Variants in ITSN2 observed in about 807,000 individuals in gnomAD.
ITSN2 encodes the protein intersectin-2.
ITSN2 carries 156 observed loss-of-function variants against 243.7 expected under a neutral mutation model. The observed-to-expected ratio is 0.64, with a 90% confidence interval of 0.56 to 0.73. ITSN2 has a LOEUF of 0.73. ITSN2 is among the 30% of genes least tolerant of loss of function. The pLI, the probability that ITSN2 is intolerant of heterozygous loss-of-function variation, is 0.00. For synonymous variants in ITSN2, 703 were observed against 699.9 expected (o/e 1.00, Z -0.07); for missense variants, 1,801 against 1,996.1 (o/e 0.90, Z 1.86).
chr2:24,222,736 G>A (rs1482622998), intron 29 of ITSN2, among the ~76,000 whole-genome samples: 18 of 136,248 alleles, frequency 1.3e-4, no homozygotes, highest in African/African-American at 4.1e-4. Flanking sequence ...GTGCAATGGC[G>A]CAAATCTCGG....
At chr2:24,252,248 T>C (rs1461895939) in intron 25 of ITSN2, 97 bp downstream of exon 25, 2 of 913,308 alleles carry the variant, frequency 2.2e-6, no homozygotes, top group Non-Finnish European at 3.3e-6. Context: ...AGTATAAATC[T>C]TGATTAACAA....
intron 2 of ITSN2, among the ~76,000 whole-genome samples, chr2:24,323,155 T>C (rs1290976904): frequency 6.6e-6 from 1 of 151,290 alleles, no homozygotes; most frequent in Non-Finnish European, 1.5e-5. Context: ...TTTGGGAATT[T>C]CTTATGAAGT....
rs1353426696 is a variant in ITSN2 at position 24,328,056 on chromosome 2, C to T, written c.27G>A (p.Met9Ile). 1 of 1,613,222 alleles carries T rather than the reference C, an allele frequency of 6.2e-7. No homozygotes were observed. The highest frequency in any genetic ancestry group is 1.7e-5 in the Admixed American group (1 of 59,970). The change falls in exon 2 of 40, where the codon ATG becomes ATA. Residue 9 changes from methionine (M) to isoleucine (I), a missense_variant. Met to Ile is a conservative substitution (Grantham distance 10). Coordinates refer to ENST00000355123, the MANE Select transcript of ITSN2 (RefSeq NM_006277.3). MMAQFPTAMNGGPNMWAIT... is the reference protein window; with the variant it reads MMAQFPTAINGGPNMWAIT... ...CACAAGCACAAAGCTGCTTACCATTCATAGCTGTGGGAAACTGAGCCATCA... is the reference window on the plus strand; with the variant it reads ...CACAAGCACAAAGCTGCTTACCATTTATAGCTGTGGGAAACTGAGCCATCA...
intron 1 of ITSN2, among the ~76,000 whole-genome samples, chr2:24,335,614 G>A (rs944130152): frequency 2.6e-5 from 4 of 151,788 alleles, no homozygotes; most frequent in African/African-American, 2.4e-5. Flanking sequence ...GATTACAAGC[G>A]AAAGCCACTG....
At chr2:24,271,164 T>A (rs544856792) in intron 19 of ITSN2, among the ~76,000 whole-genome samples, 1 of 152,134 alleles carries the variant, frequency 6.6e-6, no homozygotes, top group East Asian at 1.9e-4. Context: ...TCTCAAAAGA[T>A]AAGAATAGCA....
At chr2:24,316,764 C>T (rs1683977973) in intron 2 of ITSN2, among the ~76,000 whole-genome samples, 1 of 152,162 alleles carries the variant, frequency 6.6e-6, no homozygotes, top group Admixed American at 6.5e-5. Context: ...TAAATTAATA[C>T]CTCCACCTGC....
intron 1 of ITSN2, among the ~76,000 whole-genome samples, chr2:24,346,387 T>C (rs1687533193): frequency 6.6e-6 from 1 of 152,198 alleles, no homozygotes; most frequent in South Asian, 2.1e-4. Flanking sequence ...ATATATCTCC[T>C]ACAATATCTG....
At chr2:24,253,436 T>C (rs1674615939) in intron 24 of ITSN2, among the ~76,000 whole-genome samples, 1 of 152,250 alleles carries the variant, frequency 6.6e-6, no homozygotes, top group Admixed American at 6.5e-5. Context: ...AGTACACCTA[T>C]GATTCAGCTT....
At chr2:24,333,170 C>T (rs1454336454) in intron 1 of ITSN2, among the ~76,000 whole-genome samples, 3 of 152,180 alleles carry the variant, frequency 2.0e-5, no homozygotes, top group Admixed American at 2.0e-4. Flanking sequence ...CCATGAACTT[C>T]CCATGGGCTT....
At chr2:24,295,610 A>G in intron 14 of ITSN2, 54 bp downstream of exon 14, 1 of 1,384,474 alleles carries the variant, frequency 7.2e-7, no homozygotes, top group Non-Finnish European at 9.5e-7. Context: ...TGCCCAGCCC[A>G]GAAGAACTAT....
intron 3 of ITSN2, 47 bp downstream of exon 3, chr2:24,315,085 C>A: frequency 1.1e-6 from 1 of 912,762 alleles, no homozygotes. Flanking sequence ...TCTTAGATAT[C>A]ACATAAGGAC....
At chr2:24,229,141 C>A (rs1043518514) in intron 29 of ITSN2, among the ~76,000 whole-genome samples, 1 of 151,516 alleles carries the variant, frequency 6.6e-6, no homozygotes, top group Non-Finnish European at 1.5e-5. Context: ...CCCCACCTCC[C>A]TCCAAAAAAA....
Position 24,254,348 on chromosome 2 carries a change from C to T in ITSN2, c.2953+19G>A. ...GCTAAATTGATTACCATCTAATTTA[C>T]AAATTGCCAAAAGCTTACCTTCTCC... On this transcript the variant is annotated intron_variant, in intron 24 of 39. Coordinates refer to ENST00000355123, the MANE Select transcript of ITSN2 (RefSeq NM_006277.3). 6.3e-7 allele frequency: 1 copy of T among 1,579,990 alleles called. No homozygotes were observed. The highest frequency in any genetic ancestry group is 8.7e-7 in the Non-Finnish European group (1 of 1,149,530).
chr2:24,355,206 A>C (rs1001009788), intron 1 of ITSN2, among the ~76,000 whole-genome samples: 1 of 152,198 alleles, frequency 6.6e-6, no homozygotes, highest in Non-Finnish European at 1.5e-5. Context: ...GATGTTACAA[A>C]ATCCAAAAAA....
At chr2:24,236,088 G>GA (rs1672116677) in intron 29 of ITSN2, among the ~76,000 whole-genome samples, 1 of 135,362 alleles carries the variant, frequency 7.4e-6, no homozygotes, top group African/African-American at 2.8e-5. Flanking sequence ...CCAAATGGTT[G>GA]AAACAACCCA....
chr2:24,322,117 T>G (rs1684639421), intron 2 of ITSN2, among the ~76,000 whole-genome samples: 1 of 152,132 alleles, frequency 6.6e-6, no homozygotes, highest in African/African-American at 2.4e-5. Context: ...CTAGGAATAT[T>G]ATATAACTCC....
chr2:24,245,263 T>C (rs4665675), intron 29 of ITSN2, among the ~76,000 whole-genome samples: 86,447 of 151,964 alleles, frequency 0.57, 25,416 homozygotes, highest in East Asian at 0.74. Flanking sequence ...AATAATGAAA[T>C]AGACCTTGAT....
chr2:24,226,935 A>T (rs1396090228), intron 29 of ITSN2, among the ~76,000 whole-genome samples: 1 of 152,002 alleles, frequency 6.6e-6, no homozygotes, highest in Non-Finnish European at 1.5e-5. Context: ...TTTAGTAGAG[A>T]TGAAACCCCA....
In ITSN2 at chr2:24,211,009, T is replaced by G. The variant is rs1573864684; in HGVS notation, c.4090-62A>C. On this transcript the variant is annotated intron_variant, in intron 33 of 39. Transcript: ENST00000355123. The surrounding 1 kb of genome is among the most constrained non-coding windows in gnomAD (Gnocchi z 4.1). The stretch of plus-strand genomic sequence containing the variant: ...CGTCTCTCACCTGCCCACCTGGACC[T>G]TCGCAGGACCGCTCCTCCAACCCCA... 3.3e-6 allele frequency: 5 copies of G among 1,524,024 alleles called. No homozygotes were observed. Among genetic ancestry groups the G allele is most frequent in the Non-Finnish European group, 4.5e-6 (5 of 1,104,722 alleles). 94.4% of individuals were successfully genotyped at this position (1,524,024 alleles called of 1,614,324 possible).
Sources: allele counts gnomAD v4.1 joint callset (sites outside exome capture counted in the v4.1 genomes callset), GRCh38; gene constraint gnomAD v4.1.1; non-coding constraint Gnocchi (gnomAD v3.1); transcripts MANE v1.5; gene names NCBI Gene and HGNC (gene_info 2026-07-23, HGNC 2026-07-21).